AFF3: variants seen among roughly 807,000 people sequenced by gnomAD.
AFF3 encodes the protein ALF transcription elongation factor 3.
Under a neutral mutation model 129.7 loss-of-function variants are expected in AFF3, and 32 were observed. The observed-to-expected ratio is 0.25, with a 90% CI of 0.19 to 0.33. The LOEUF is 0.33. Ranked by LOEUF, AFF3 falls within the 10% of genes least tolerant of loss-of-function variation. The probability of loss-of-function intolerance (pLI) is 1.00; values close to 1 mark genes in which losing one functional copy is unlikely to be tolerated. For synonymous variants in AFF3, 644 were observed against 635.4 expected (o/e 1.01, Z -0.20); for missense variants, 1,373 against 1,592.0 (o/e 0.86, Z 2.34).
At chr2:99,832,689 G>A (rs943155630) in intron 8 of AFF3, among the ~76,000 whole-genome samples, 3 of 152,204 alleles carry the variant, frequency 2.0e-5, no homozygotes, top group African/African-American at 4.8e-5. Flanking sequence ...AATGCAAAAC[G>A]AAAACACAGG....
chr2:99,809,083 G>A (rs548353411), intron 8 of AFF3, among the ~76,000 whole-genome samples: 1 of 152,154 alleles, frequency 6.6e-6, no homozygotes, highest in African/African-American at 2.4e-5. Context: ...GCACTCTTAC[G>A]TCTTTTCAAG....
chr2:99,707,148 T>G (rs1445933624), intron 11 of AFF3: 1 of 985,318 alleles, frequency 1.0e-6, no homozygotes, highest in Non-Finnish European at 1.2e-6. Flanking sequence ...AGTCAAAAAC[T>G]AGTAAACTTG....
intron 7 of AFF3, among the ~76,000 whole-genome samples, chr2:99,966,324 T>C (rs62149296): frequency 0.17 from 26,469 of 152,038 alleles, 2,832 homozygotes; most frequent in African/African-American, 0.28. Flanking sequence ...GCCTAAAGGG[T>C]CATTTGTTAT....
rs199520449 is a variant in AFF3, at chr2:100,008,968, C to T, written c.54-36G>A. On this transcript the variant is annotated intron_variant, in intron 4 of 24. Transcript: ENST00000672756. The stretch of plus-strand genomic sequence containing the variant: ...AAAAAGAAGAGAGAACAACCACACA[C>T]ACAAATTAAACTGTAAAGCCCAATG... 24 of 1,609,158 alleles carry T rather than the reference C, an allele frequency of 1.5e-5. No individual in the cohort carries two copies. The East Asian group carries it at 5.4e-4, about 36-fold the overall frequency.
intron 10 of AFF3, among the ~76,000 whole-genome samples, chr2:99,728,852 C>T (rs957881803): frequency 1.3e-5 from 2 of 152,152 alleles, no homozygotes; most frequent in African/African-American, 4.8e-5. Flanking sequence ...CTTTTGTCTT[C>T]CAGGCAAGGT....
chr2:99,923,383 T>C (rs1695992018), intron 7 of AFF3, among the ~76,000 whole-genome samples: 1 of 152,256 alleles, frequency 6.6e-6, no homozygotes, highest in South Asian at 2.1e-4. Context: ...GCTTTTGATG[T>C]TGAAAAGCAT....
intron 4 of AFF3, among the ~76,000 whole-genome samples, chr2:100,050,163 ACTCC>A (rs1378123700): frequency 1.3e-5 from 2 of 151,238 alleles, no homozygotes; most frequent in East Asian, 3.9e-4. Flanking sequence ...ACACCACTGC[ACTCC>A]AGCCTGGGTG....
intron 7 of AFF3, among the ~76,000 whole-genome samples, chr2:99,969,223 C>T (rs1242902987): frequency 6.6e-6 from 1 of 152,186 alleles, no homozygotes; most frequent in African/African-American, 2.4e-5. Context: ...CAGGCCACAG[C>T]ATCACTCCAT....
At chr2:99,922,115 C>T (rs572242393) in intron 7 of AFF3, among the ~76,000 whole-genome samples, 40 of 152,062 alleles carry the variant, frequency 2.6e-4, no homozygotes, top group Non-Finnish European at 5.1e-4. Flanking sequence ...TCTAAAAAAC[C>T]GCTGACTAAG....
At chr2:99,620,388 C>T (rs148486376) in intron 13 of AFF3, among the ~76,000 whole-genome samples, 32 of 152,252 alleles carry the variant, frequency 2.1e-4, no homozygotes, top group Admixed American at 1.2e-3. Context: ...CAGCACTTTG[C>T]GAGGCCAGGG....
chr2:100,042,013 G>A (rs1041713846), intron 4 of AFF3, among the ~76,000 whole-genome samples: 1 of 151,446 alleles, frequency 6.6e-6, no homozygotes, highest in Admixed American at 6.6e-5. Context: ...CCCTCACATC[G>A]CCTCCAAGGC....
chr2:99,785,937 T>TGG (rs1684756232), intron 8 of AFF3, among the ~76,000 whole-genome samples: 2 of 152,044 alleles, frequency 1.3e-5, no homozygotes, highest in Non-Finnish European at 1.5e-5. Flanking sequence ...TTAGTACAGA[T>TGG]GGGGTTTCAC....
chr2:99,553,917 CCAAAAAAA>C (rs1215257519), intron 24 of AFF3, among the ~76,000 whole-genome samples: 1 of 72,454 alleles, frequency 1.4e-5, no homozygotes, highest in African/African-American at 7.2e-5. Flanking sequence ...CTGTCTCAAA[CCAAAAAAA>C]AAAAAAAAAA....
In AFF3 at chr2:100,030,520, C is replaced by T. The variant is rs140278287; in HGVS notation, c.54-21588G>A. 7.1e-3 allele frequency among the ~76,000 whole-genome samples: 1,077 copies of T among 152,252 alleles called. 13 individuals are homozygous for T. Among genetic ancestry groups the T allele is most frequent in the Middle Eastern group, 0.017 (5 of 294 alleles). ...CAGCAATCAAGCTCCTAGATATCTA[C>T]CCAATTAATCTGAAAATGTACGTCC... On this transcript the variant is annotated intron_variant, in intron 4 of 24. Transcript: ENST00000672756.
chr2:99,891,094 T>G (rs574886779), intron 7 of AFF3, among the ~76,000 whole-genome samples: 16 of 152,228 alleles, frequency 1.1e-4, no homozygotes, highest in Admixed American at 6.5e-4. Flanking sequence ...GGGAGAAAAG[T>G]GGGCAAGAGC....
At chr2:99,677,327 T>A (rs1313310952) in intron 11 of AFF3, among the ~76,000 whole-genome samples, 4 of 151,742 alleles carry the variant, frequency 2.6e-5, no homozygotes, top group African/African-American at 9.7e-5. Flanking sequence ...TTCATGGCCT[T>A]AACACTTGAA....
At chr2:100,058,515 G>C (rs1686986378) in intron 4 of AFF3, among the ~76,000 whole-genome samples, 1 of 152,178 alleles carries the variant, frequency 6.6e-6, no homozygotes. Context: ...CAGCCACATA[G>C]GTGCAATGCT....
At chr2:100,069,699 G>T (rs1263127602) in intron 4 of AFF3, among the ~76,000 whole-genome samples, 14 of 152,104 alleles carry the variant, frequency 9.2e-5, no homozygotes, top group Admixed American at 9.2e-4. Flanking sequence ...AAAGAAATTT[G>T]ATACGATATA....
chr2:99,889,233 G>A (rs1377181564), intron 7 of AFF3, among the ~76,000 whole-genome samples: 5 of 152,034 alleles, frequency 3.3e-5, no homozygotes, highest in Non-Finnish European at 7.4e-5. Context: ...TCAAACTCCT[G>A]GGACCAAGCA....
Sources: gnomAD v4.1 joint callset for allele counts (sites outside exome capture counted in the v4.1 genomes callset) on GRCh38, gnomAD v4.1.1 for gene constraint, MANE v1.5 for transcripts, NCBI Gene and HGNC (gene_info 2026-07-23, HGNC 2026-07-21) for gene names.